Variants in RCOR3 observed in about 807,000 individuals in gnomAD.
RCOR3 encodes REST corepressor 3.
Under a neutral mutation model 64.1 loss-of-function variants are expected in RCOR3, and 13 were observed. The observed-to-expected ratio is 0.20, with a 90% CI of 0.13 to 0.32. The LOEUF is 0.32. Among genes scored for constraint, RCOR3 ranks in the 10% least tolerant of loss-of-function variants. The pLI, the probability that RCOR3 is intolerant of heterozygous loss-of-function variation, is 1.00. For missense variants in RCOR3, 489 were observed against 701.2 expected, an observed-to-expected ratio of 0.70 and a Z score of 3.42; for synonymous variants, 215 against 239.0, an observed-to-expected ratio of 0.90 and a Z score of 0.93.
In RCOR3 at chr1:211,278,658, A is replaced by G. The variant is rs180795187; in HGVS notation, c.641+417A>G. 3.3e-5 allele frequency among the ~76,000 whole-genome samples: 5 copies of G among 152,094 alleles called. No individual in the cohort carries two copies. The East Asian group carries it at 9.7e-4, about 29-fold the overall frequency. ...ATTATGTCAATTTGTATGTGTTCCC[A>G]TTTCCCAAATGATATTTCTTTTTAA... On this transcript the variant is annotated intron_variant, in intron 6 of 11. Coordinates refer to ENST00000419091, the MANE Select transcript of RCOR3 (RefSeq NM_001136223.3).
rs923755344 is a variant in RCOR3, at chr1:211,259,497, C to T, written c.-64C>T. On this transcript the variant is annotated 5_prime_UTR_variant, in exon 1 of 12. Coordinates refer to ENST00000419091, the MANE Select transcript of RCOR3 (RefSeq NM_001136223.3). Reference sequence around the variant, plus strand: ...CTTTCCCTCCCGCCCGCGCTCTAAGCCATCTCCGCCTTCACCCTGACGCCT... The same window carrying T: ...CTTTCCCTCCCGCCCGCGCTCTAAGTCATCTCCGCCTTCACCCTGACGCCT... The T allele has an allele frequency of 8.7e-6, 13 of 1,502,030 alleles. No homozygotes were observed. The highest frequency in any genetic ancestry group is 4.3e-5 in the African/African-American group (3 of 69,650). 93.0% of individuals were successfully genotyped at this position (1,502,030 alleles called of 1,614,324 possible). A position where few individuals can be genotyped will look rare whatever the true frequency, so the allele number is the denominator to read the frequency against.
At chr1:211,297,175 G>A (rs60102306) in intron 9 of RCOR3, among the ~76,000 whole-genome samples, 2,748 of 152,150 alleles carry the variant, frequency 0.018, 74 homozygotes, top group African/African-American at 0.063. Flanking sequence ...TCAAGAAAAG[G>A]ATAATTCTAA....
Position 211,312,985 on chromosome 1 carries a change from G to T in RCOR3, c.1317+24G>T. ...AGGTGTGTTTGTGTATGGAATTTGA[G>T]CTAATATGAGTTGAGGAATCACCAT... On this transcript the variant is annotated intron_variant, in intron 11 of 11. Coordinates refer to ENST00000419091, the MANE Select transcript of RCOR3 (RefSeq NM_001136223.3). The surrounding 1 kb of genome is among the most constrained non-coding windows in gnomAD (Gnocchi z 5.0). 6.2e-7 allele frequency: 1 copy of T among 1,614,058 alleles called. No homozygotes were observed. Among genetic ancestry groups the T allele is most frequent in the African/African-American group, 1.3e-5 (1 of 75,036 alleles).
At chr1:211,283,652 T>C (rs1006270175) in intron 7 of RCOR3, among the ~76,000 whole-genome samples, 1 of 152,178 alleles carries the variant, frequency 6.6e-6, no homozygotes, top group Non-Finnish European at 1.5e-5. Flanking sequence ...AGGTTTTTGT[T>C]TTGTTTTTTT....
Position 211,259,651 on chromosome 1 carries a change from A to G in RCOR3, c.91A>G (p.Ser31Gly). ...CAAGAGCCCGGCAGGCGGCGGCGGC[A>G]GCGGCGCCTCGTCCACCAACGGCGG... is the stretch of plus-strand genomic sequence containing the variant. Reference protein sequence around the residue: ...SAKSPAGGGGSGASSTNGGLH... With the variant: ...SAKSPAGGGGGGASSTNGGLH... Residue 31 changes from serine to glycine, a missense_variant, in exon 1 of 12, where the codon AGC (serine) becomes GGC (glycine). Ser to Gly is a moderately conservative substitution (Grantham distance 56). Transcript: ENST00000419091. 1 of 1,546,960 alleles carries G rather than the reference A, an allele frequency of 6.5e-7. No homozygotes were observed. Among genetic ancestry groups the G allele is most frequent in the Non-Finnish European group, 8.7e-7 (1 of 1,145,344 alleles).
At chr1:211,275,327 G>A (rs769618127) in intron 4 of RCOR3, among the ~76,000 whole-genome samples, 7 of 152,008 alleles carry the variant, frequency 4.6e-5, no homozygotes, top group East Asian at 1.9e-4. Flanking sequence ...CTATCTAAAG[G>A]TAGTTAACTT....
chr1:211,278,345 T>G (rs1697305290), intron 6 of RCOR3, 104 bp downstream of exon 6: 1 of 1,268,254 alleles, frequency 7.9e-7, no homozygotes, highest in Non-Finnish European at 1.1e-6. Flanking sequence ...TAAATATTCC[T>G]TATTCTTACA....
intron 9 of RCOR3, chr1:211,302,674 A>G (rs1348721883): frequency 6.6e-6 from 1 of 152,182 alleles, no homozygotes; most frequent in Admixed American, 6.5e-5. Context: ...TTTTCTTACC[A>G]TTTACTATAA....
At chr1:211,270,244 G>A (rs1457181821) in intron 2 of RCOR3, among the ~76,000 whole-genome samples, 1 of 151,848 alleles carries the variant, frequency 6.6e-6, no homozygotes, top group African/African-American at 2.4e-5. Context: ...TGTATTTTTA[G>A]TAGAGACGGG....
intron 10 of RCOR3, among the ~76,000 whole-genome samples, chr1:211,309,086 T>TAAAAAAAAAAAAAA (rs10688171): frequency 1.1e-4 from 12 of 113,874 alleles, no homozygotes; most frequent in African/African-American, 3.0e-4. Flanking sequence ...TAGCTAAACA[T>TAAAAAAAAAAAAAA]AAAAAAAAAA....
chr1:211,301,701 T>A (rs1173532899), intron 9 of RCOR3: 1 of 152,234 alleles, frequency 6.6e-6, no homozygotes, highest in African/African-American at 2.4e-5. Context: ...TAAATCATTG[T>A]GACTTTTTCT....
intron 8 of RCOR3, 43 bp from the exon 9 acceptor site, chr1:211,295,633 T>A (rs777165111): frequency 1.3e-6 from 2 of 1,534,256 alleles, no homozygotes; most frequent in East Asian, 2.3e-5. Context: ...CAAATTTACC[T>A]AAGTACGCGA....
chr1:211,300,649 G>A (rs1700283210), intron 9 of RCOR3, among the ~76,000 whole-genome samples: 1 of 152,056 alleles, frequency 6.6e-6, no homozygotes, highest in African/African-American at 2.4e-5. Flanking sequence ...TTATTTTACT[G>A]TGTTAAAGTC....
chr1:211,293,504 T>A (rs1469058468), intron 8 of RCOR3, among the ~76,000 whole-genome samples: 1 of 152,242 alleles, frequency 6.6e-6, no homozygotes, highest in Non-Finnish European at 1.5e-5. Flanking sequence ...TTTAATTCTT[T>A]AAAACTCAGT....
At chr1:211,262,157 C>A (rs1694437597) in intron 2 of RCOR3, among the ~76,000 whole-genome samples, 1 of 145,174 alleles carries the variant, frequency 6.9e-6, no homozygotes, top group Admixed American at 7.3e-5. Flanking sequence ...CCTGCCTCAG[C>A]CTCCTGAGTA....
At chr1:211,262,326 C>T (rs1475277800) in intron 2 of RCOR3, among the ~76,000 whole-genome samples, 2 of 151,960 alleles carry the variant, frequency 1.3e-5, no homozygotes. Context: ...TGAGCCATCG[C>T]GCCCAGCCTA....
intron 2 of RCOR3, among the ~76,000 whole-genome samples, chr1:211,266,541 T>G (rs1695219428): frequency 6.6e-6 from 1 of 152,226 alleles, no homozygotes; most frequent in African/African-American, 2.4e-5. Flanking sequence ...TACTATAGTC[T>G]TTTAAAATTA....
intron 6 of RCOR3, 24 bp from the exon 7 acceptor site, chr1:211,279,214 G>T: frequency 4.3e-6 from 6 of 1,399,532 alleles, no homozygotes; most frequent in South Asian, 1.2e-5. Flanking sequence ...GGAATTAAGT[G>T]TACTAATTTT....
intron 2 of RCOR3, among the ~76,000 whole-genome samples, chr1:211,269,298 T>C (rs1465921291): frequency 6.6e-6 from 1 of 151,932 alleles, no homozygotes; most frequent in Non-Finnish European, 1.5e-5. Context: ...ACCTTGTCTC[T>C]ACTAAAAATA....
Sources: allele counts gnomAD v4.1 joint callset (sites outside exome capture counted in the v4.1 genomes callset), GRCh38; gene constraint gnomAD v4.1.1; non-coding constraint Gnocchi (gnomAD v3.1); transcripts MANE v1.5; gene names NCBI Gene and HGNC (gene_info 2026-07-23, HGNC 2026-07-21).